MARCHF1: variants seen among roughly 807,000 people sequenced by gnomAD.
The protein encoded by MARCHF1 is membrane associated ring-CH-type finger 1, also known as E3 ubiquitin-protein ligase MARCHF1.
In MARCHF1, 40 loss-of-function variants were observed where a neutral mutation model predicts 54.2. That is an observed-to-expected ratio of 0.74 (90% CI 0.57 to 0.96). The LOEUF is 0.96. Ranked by LOEUF, MARCHF1 falls within the 40% of genes least tolerant of loss-of-function variation. The probability of loss-of-function intolerance (pLI) is 0.00; values close to 1 mark genes in which losing one functional copy is unlikely to be tolerated. For missense variants in MARCHF1, 586 were observed against 656.5 expected, an observed-to-expected ratio of 0.89 and a Z score of 1.17; for synonymous variants, 236 against 236.3, an observed-to-expected ratio of 1.00 and a Z score of 0.01.
At chr4:163,712,225 T>C (rs1262530130) in intron 4 of MARCHF1, among the ~76,000 whole-genome samples, 2 of 152,220 alleles carry the variant, frequency 1.3e-5, no homozygotes, top group African/African-American at 4.8e-5. Flanking sequence ...TTTTTAAGAC[T>C]GTCAGGGAAT....
chr4:164,143,399 A>C lies in MARCHF1; in HGVS notation c.-322-31737T>G, dbSNP rs1415202912. On this transcript the variant is annotated intron_variant, in intron 1 of 9. Coordinates refer to ENST00000514618, the MANE Select transcript of MARCHF1 (RefSeq NM_001394959.1). ...ATTCACCAAAGTTGAAATGAAGGAA[A>C]AAATGTTAAGGGCAGCCAGAGAGAA... Among the ~76,000 whole-genome samples, 174 of 149,224 alleles carry C rather than the reference A, an allele frequency of 1.2e-3. 1 individual carries two copies. Among genetic ancestry groups the C allele is most frequent in the African/African-American group, 3.7e-3 (150 of 40,344 alleles).
At chr4:163,745,716 A>G (rs1212353956) in intron 4 of MARCHF1, among the ~76,000 whole-genome samples, 1 of 152,250 alleles carries the variant, frequency 6.6e-6, no homozygotes, top group Non-Finnish European at 1.5e-5. Flanking sequence ...TGTAAAAGCA[A>G]GTGAGCATCC....
intron 2 of MARCHF1, among the ~76,000 whole-genome samples, chr4:164,056,809 G>C (rs186912761): frequency 1.1e-3 from 161 of 152,222 alleles, no homozygotes; most frequent in Middle Eastern, 3.4e-3. Context: ...TGGGACAATG[G>C]AGCAAATGCC....
chr4:163,943,332 A>C (rs1252577645), intron 3 of MARCHF1, among the ~76,000 whole-genome samples: 4 of 152,170 alleles, frequency 2.6e-5, no homozygotes, highest in Non-Finnish European at 5.9e-5. Flanking sequence ...TTTTACATTT[A>C]AGTTTTTAAT....
chr4:163,568,270 C>A (rs922574607), intron 8 of MARCHF1, among the ~76,000 whole-genome samples: 1 of 152,128 alleles, frequency 6.6e-6, no homozygotes, highest in Non-Finnish European at 1.5e-5. Flanking sequence ...CCCTGAGACC[C>A]TTTCAAGGGA....
intron 3 of MARCHF1, among the ~76,000 whole-genome samples, chr4:163,929,437 AT>A (rs1179501103): frequency 6.6e-6 from 1 of 152,022 alleles, no homozygotes; most frequent in East Asian, 1.9e-4. Context: ...ATTATCATAT[AT>A]ATTTATCCTT....
intron 9 of MARCHF1, among the ~76,000 whole-genome samples, chr4:163,531,692 C>T (rs1348381610): frequency 6.6e-6 from 1 of 151,614 alleles, no homozygotes; most frequent in Non-Finnish European, 1.5e-5. Flanking sequence ...TCTCAAAGAA[C>T]TGATTAAGTT....
intron 3 of MARCHF1, among the ~76,000 whole-genome samples, chr4:163,917,736 C>T (rs866194480): frequency 1.3e-5 from 2 of 152,192 alleles, no homozygotes; most frequent in South Asian, 2.1e-4. Flanking sequence ...GGTGTTAAGA[C>T]CCCAGCATCC....
chr4:163,981,070 A>G (rs1752752608), intron 3 of MARCHF1, among the ~76,000 whole-genome samples: 1 of 151,568 alleles, frequency 6.6e-6, no homozygotes, highest in African/African-American at 2.4e-5. Context: ...TAAATGTTTT[A>G]CTCTGTATCT....
At chr4:163,648,440 A>G (rs1186679661) in intron 5 of MARCHF1, among the ~76,000 whole-genome samples, 1 of 140,458 alleles carries the variant, frequency 7.1e-6, no homozygotes, top group Non-Finnish European at 1.6e-5. Context: ...ATTTTAAGAC[A>G]TACTGACTGT....
chr4:164,041,558 C>A (rs886364252), intron 2 of MARCHF1, among the ~76,000 whole-genome samples: 1 of 152,114 alleles, frequency 6.6e-6, no homozygotes, highest in Non-Finnish European at 1.5e-5. Context: ...TGTCTTATAA[C>A]AAAAACCATT....
chr4:163,811,516 A>G (rs554594031), intron 4 of MARCHF1, among the ~76,000 whole-genome samples: 26 of 152,050 alleles, frequency 1.7e-4, no homozygotes, highest in African/African-American at 6.0e-4. Flanking sequence ...AGAGAGAGAG[A>G]AGGAAGGAAG....
At chr4:163,875,216 T>C (rs1158435822) in intron 3 of MARCHF1, among the ~76,000 whole-genome samples, 1 of 152,082 alleles carries the variant, frequency 6.6e-6, no homozygotes, top group African/African-American at 2.4e-5. Context: ...TAATGCTTTT[T>C]TGAAAAAAAA....
At chr4:164,266,017 C>T (rs1260867346) in intron 1 of MARCHF1, among the ~76,000 whole-genome samples, 1 of 152,138 alleles carries the variant, frequency 6.6e-6, no homozygotes, top group Non-Finnish European at 1.5e-5. Context: ...CAAGTAAGAA[C>T]CATGCCTGTT....
intron 3 of MARCHF1, among the ~76,000 whole-genome samples, chr4:163,892,877 T>C (rs1750691744): frequency 1.3e-5 from 2 of 152,182 alleles, no homozygotes; most frequent in Middle Eastern, 3.4e-3. Flanking sequence ...CTCATGGAAA[T>C]AGCAGTAGCC....
chr4:164,040,971 G>C (rs1249403936), intron 2 of MARCHF1, among the ~76,000 whole-genome samples: 1 of 152,014 alleles, frequency 6.6e-6, no homozygotes, highest in African/African-American at 2.4e-5. Context: ...TGAAATATAT[G>C]TTCACTACTA....
intron 4 of MARCHF1, among the ~76,000 whole-genome samples, chr4:163,760,910 G>T (rs1746809282): frequency 6.6e-6 from 1 of 152,094 alleles, no homozygotes; most frequent in Non-Finnish European, 1.5e-5. Context: ...ACTTAAATGG[G>T]TATGAAGTTA....
rs568299941 is a variant in MARCHF1, at chr4:163,847,011, A to C, written c.111+7010T>G. On this transcript the variant is annotated intron_variant, in intron 4 of 9. Coordinates refer to ENST00000514618, the MANE Select transcript of MARCHF1 (RefSeq NM_001394959.1). ...AACAAAGAATGGGATTCTAGAAGAA[A>C]AAAAATCTCAAGTCCAGGGGCTGCT... Among the ~76,000 whole-genome samples, 21 of 152,318 alleles carry C rather than the reference A, an allele frequency of 1.4e-4. No individual in the cohort carries two copies. The South Asian group carries it at 2.5e-3, about 18-fold the overall frequency.
chr4:163,743,026 A>C (rs576762421), intron 4 of MARCHF1, among the ~76,000 whole-genome samples: 6 of 152,242 alleles, frequency 3.9e-5, no homozygotes, highest in Non-Finnish European at 7.3e-5. Context: ...ATTTAAGTAC[A>C]GCTTTAAGCA....
Sources: gnomAD v4.1 joint callset for allele counts (sites outside exome capture counted in the v4.1 genomes callset) on GRCh38, gnomAD v4.1.1 for gene constraint, MANE v1.5 for transcripts, NCBI Gene and HGNC (gene_info 2026-07-23, HGNC 2026-07-21) for gene names.